BCR: variants seen among roughly 807,000 people sequenced by gnomAD.
The protein encoded by BCR is BCR activator of RhoGEF and GTPase.
A neutral mutation model predicts 138.6 loss-of-function variants in BCR; 58 were observed. The observed-to-expected ratio is 0.42, with a 90% CI of 0.34 to 0.52. The LOEUF (loss-of-function observed/expected upper bound fraction) is 0.52. Ranked by LOEUF, BCR falls within the 20% of genes least tolerant of loss-of-function variation. BCR has a pLI of 0.06. For synonymous variants in BCR, 786 were observed against 730.1 expected (o/e 1.08, Z -1.23); for missense variants, 1,599 against 1,727.2 (o/e 0.93, Z 1.32).
chr22:23,193,727 T>C (rs2072443244), intron 1 of BCR, among the ~76,000 whole-genome samples: 1 of 152,232 alleles, frequency 6.6e-6, no homozygotes, highest in African/African-American at 2.4e-5. Flanking sequence ...TTGAGGGAGC[T>C]GGGCAGATGG....
At chr22:23,315,205 CAG>C (rs1230710975) in intron 22 of BCR, among the ~76,000 whole-genome samples, 3 of 152,158 alleles carry the variant, frequency 2.0e-5, no homozygotes, top group African/African-American at 7.2e-5. Flanking sequence ...GCCTGGGGGA[CAG>C]AGCAAGGCCC....
intron 1 of BCR, among the ~76,000 whole-genome samples, chr22:23,187,755 A>T (rs2072364700): frequency 6.6e-6 from 1 of 152,128 alleles, no homozygotes; most frequent in South Asian, 2.1e-4. Flanking sequence ...CATATTCATC[A>T]CCTCAAACAC....
rs1167725508 is a variant in BCR, at chr22:23,273,774, G to A, written c.2115G>A (p.Glu705=). 4.3e-6 allele frequency: 7 copies of A among 1,614,036 alleles called. No homozygotes were observed. Among genetic ancestry groups the A allele is most frequent in the African/African-American group, 1.3e-5 (1 of 75,052 alleles). ...AGTCCATGACGGTGAAGAAGGGAGA[G>A]GTGAGTGTGGCAGGGGATGGCTTGG... ...RRQSMTVKKG[E]HRQLLKDSFM... Residue 705 remains glutamate (E), a splice_region_variant and synonymous_variant, in exon 8 of 23, where the codon GAG becomes GAA. Coordinates refer to ENST00000305877, the MANE Select transcript of BCR (RefSeq NM_004327.4).
chr22:23,267,257 C>T (rs1247967861), intron 4 of BCR, among the ~76,000 whole-genome samples: 2 of 152,100 alleles, frequency 1.3e-5, no homozygotes, highest in African/African-American at 4.8e-5. Flanking sequence ...AGCTCTGGGC[C>T]TCATCACTGC....
intron 4 of BCR, among the ~76,000 whole-genome samples, chr22:23,265,456 T>C (rs143014559): frequency 6.6e-6 from 1 of 152,286 alleles, no homozygotes; most frequent in African/African-American, 2.4e-5. Flanking sequence ...GAGCTTGCAG[T>C]GCCCTTCCCA....
chr22:23,263,194 C>CGGCTG, intron 4 of BCR: 1 of 901,620 alleles, frequency 1.1e-6, no homozygotes, highest in Non-Finnish European at 1.6e-6. Context: ...GCCGCCTGCC[C>CGGCTG]GGCTGCGGGG....
intron 1 of BCR, among the ~76,000 whole-genome samples, chr22:23,185,987 C>T (rs1473745272): frequency 1.4e-5 from 2 of 138,284 alleles, no homozygotes; most frequent in African/African-American, 2.7e-5. Context: ...CCTCAGCCTC[C>T]GAAAGTGCTG....
chr22:23,208,466 A>G (rs2146216542), intron 1 of BCR, among the ~76,000 whole-genome samples: 1 of 152,090 alleles, frequency 6.6e-6, no homozygotes, highest in South Asian at 2.1e-4. Context: ...CATCTTAACC[A>G]TTTAAAAATA....
intron 4 of BCR, among the ~76,000 whole-genome samples, chr22:23,267,981 C>T (rs1019839325): frequency 3.3e-5 from 5 of 152,128 alleles, no homozygotes; most frequent in South Asian, 2.1e-4. Flanking sequence ...ACTGGACATG[C>T]GTGGAACACC....
chr22:23,253,600 G>T (rs2073256856), intron 1 of BCR, among the ~76,000 whole-genome samples, 199 bp from the exon 2 acceptor site: 1 of 152,180 alleles, frequency 6.6e-6, no homozygotes. Flanking sequence ...GTATTGTCTA[G>T]GGAGTGAGCT....
chr22:23,239,310 C>T (rs2073061754), intron 1 of BCR, among the ~76,000 whole-genome samples: 1 of 152,178 alleles, frequency 6.6e-6, no homozygotes, highest in South Asian at 2.1e-4. Context: ...GCATAGGATA[C>T]TCAGGTGGCT....
intron 8 of BCR, among the ~76,000 whole-genome samples, chr22:23,282,082 G>A (rs77641529): frequency 0.034 from 5,112 of 152,320 alleles, 127 homozygotes; most frequent in African/African-American, 0.055. Context: ...GAAGGAAGGC[G>A]CCTGAGACCC....
At chr22:23,284,124 C>T (rs1275576928) in intron 9 of BCR, 26 bp downstream of exon 9, 2 of 1,610,982 alleles carry the variant, frequency 1.2e-6, no homozygotes, top group Non-Finnish European at 8.5e-7. Context: ...GCCCCTGTCC[C>T]AGCAGTGACC....
chr22:23,252,427 C>CTTTTTT lies in BCR; in HGVS notation c.1280-1368_1280-1367insTTTTTT, dbSNP rs371986661. 2.8e-3 allele frequency among the ~76,000 whole-genome samples: 331 copies of CTTTTTT among 119,446 alleles called. 4 individuals are homozygous for CTTTTTT. The highest frequency in any genetic ancestry group is 6.3e-3 in the East Asian group (26 of 4,134). 78.4% of individuals were successfully genotyped at this position (119,446 alleles called of 152,430 possible). On this transcript the variant is annotated intron_variant, in intron 1 of 22. Coordinates refer to ENST00000305877, the MANE Select transcript of BCR (RefSeq NM_004327.4). Reference sequence around the variant, plus strand: ...TTGGGTTTCCCTTTCTTTTTCTTTTCTTTTCTTTTTTTTTTTTTTTTGAGA... The same window carrying CTTTTTT: ...TTGGGTTTCCCTTTCTTTTTCTTTTCTTTTTTTTTTCTTTTTTTTTTTTTTTTGAGA...
intron 1 of BCR, among the ~76,000 whole-genome samples, chr22:23,239,342 G>A (rs148371243): frequency 1.1e-4 from 16 of 152,216 alleles, no homozygotes; most frequent in Admixed American, 6.5e-5. Context: ...TCTAGCAGGA[G>A]AGTCTGGGGT....
At position 23,180,591 on chromosome 22, in the gene BCR, C is replaced by CGGCGGCGGCGGCGGCGGCGGCGGCGGCG. The variant is rs1555958114; in HGVS notation, c.-370_-369insGGCGGCGGCGGCGGCGGCGGCGGCGGCG. On this transcript the variant is annotated 5_prime_UTR_variant, in exon 1 of 23. Transcript: ENST00000305877. The stretch of plus-strand genomic sequence containing the variant: ...GAGGAGGCGGCGGCGGCGGCGGCGG[C>CGGCGGCGGCGGCGGCGGCGGCGGCGGCG]ACGGCGGCGGCGGGGCTGTGGGGCG... The CGGCGGCGGCGGCGGCGGCGGCGGCGGCG allele has an allele frequency of 1.1e-4, 3 of 27,550 alleles. No individual in the cohort carries two copies. The highest frequency in any genetic ancestry group is 3.3e-3 in the African/African-American group (2 of 606). The allele number at this position is 27,550 out of a possible 1,614,324, so 1.7% of individuals were successfully genotyped here.
intron 8 of BCR, among the ~76,000 whole-genome samples, chr22:23,282,455 G>T (rs1264920798): frequency 6.6e-6 from 1 of 152,250 alleles, no homozygotes; most frequent in Non-Finnish European, 1.5e-5. Context: ...CCGGCTGCCT[G>T]TCGTGAGCCA....
intron 1 of BCR, among the ~76,000 whole-genome samples, chr22:23,217,328 G>A (rs966319417): frequency 5.9e-5 from 9 of 152,168 alleles, no homozygotes; most frequent in East Asian, 5.8e-4. Flanking sequence ...TTGCAGGCTC[G>A]GCCAGTGCAG....
chr22:23,296,333 C>T (rs570842084), intron 16 of BCR, among the ~76,000 whole-genome samples: 89 of 145,512 alleles, frequency 6.1e-4, no homozygotes, highest in African/African-American at 2.1e-3. Context: ...AAGATCACAC[C>T]GCTGATCTCT....
Sources: gnomAD v4.1 joint callset for allele counts (sites outside exome capture counted in the v4.1 genomes callset) on GRCh38, gnomAD v4.1.1 for gene constraint, MANE v1.5 for transcripts, NCBI Gene and HGNC (gene_info 2026-07-23, HGNC 2026-07-21) for gene names.